ARCN1: variants seen among roughly 807,000 people sequenced by gnomAD.
ARCN1 encodes coatomer subunit delta.
In ARCN1, 5 loss-of-function variants were observed where a neutral mutation model predicts 60.4. The ratio of observed to expected loss-of-function variants is 0.08; its 90% confidence interval spans 0.04 to 0.17. ARCN1 has a LOEUF of 0.17. ARCN1 is among the 10% of genes least tolerant of loss of function. The pLI, the probability that ARCN1 is intolerant of heterozygous loss-of-function variation, is 1.00. For synonymous variants in ARCN1, 224 were observed against 220.0 expected (o/e 1.02, Z -0.16); for missense variants, 464 against 626.5 (o/e 0.74, Z 2.77).
chr11:118,594,039 T>C (rs1938972288), intron 8 of ARCN1: 1 of 180,332 alleles, frequency 5.5e-6, no homozygotes, highest in African/African-American at 2.4e-5. Flanking sequence ...CAGAGAAGAT[T>C]AGCATGGGCC....
At chr11:118,584,160 G>T (rs1938724777) in intron 4 of ARCN1, 146 bp downstream of exon 4, 1 of 833,938 alleles carries the variant, frequency 1.2e-6, no homozygotes, top group Non-Finnish European at 1.9e-6. Context: ...CATACAATAT[G>T]AGGATAAAGA....
chr11:118,581,557 T>C, intron 2 of ARCN1, 48 bp downstream of exon 2: 3 of 1,552,416 alleles, frequency 1.9e-6, no homozygotes, highest in Non-Finnish European at 8.7e-7. Flanking sequence ...TTTTACATTT[T>C]ATGTGAAACT....
chr11:118,587,100 C>G lies in ARCN1; in HGVS notation c.818+2456C>G, dbSNP rs79577355. Among the ~76,000 whole-genome samples, 1,396 of 152,210 alleles carry G rather than the reference C, an allele frequency of 9.2e-3. 20 individuals carry two copies. The highest frequency in any genetic ancestry group is 0.032 in the African/African-American group (1,324 of 41,522). On this transcript the variant is annotated intron_variant, in intron 5 of 9. Transcript: ENST00000264028. Reference sequence around the variant, plus strand: ...GATAACAAAATATTTTTTGTAGCCTCTGTAGTTCATCCAGCCAAACGTATG... The same window carrying G: ...GATAACAAAATATTTTTTGTAGCCTGTGTAGTTCATCCAGCCAAACGTATG...
At chr11:118,581,533 G>T in intron 2 of ARCN1, 24 bp downstream of exon 2, 1 of 1,570,206 alleles carries the variant, frequency 6.4e-7, no homozygotes, top group Non-Finnish European at 8.6e-7. Context: ...TATAATACTG[G>T]GTTCCACTTT....
Position 118,601,509 on chromosome 11 carries a change from C to T in ARCN1, c.*795C>T, listed in dbSNP as rs1055004427. Reference sequence around the variant, plus strand: ...TTCTTTCTATACATTCAGTCAGGCACTGGGATCATCTGTTTACAGGCATTA... The same window carrying T: ...TTCTTTCTATACATTCAGTCAGGCATTGGGATCATCTGTTTACAGGCATTA... On this transcript the variant is annotated 3_prime_UTR_variant, in exon 10 of 10. Transcript: ENST00000264028. 2 of 633,858 alleles carry T rather than the reference C, an allele frequency of 3.2e-6. No individual in the cohort carries two copies. Among genetic ancestry groups the T allele is most frequent in the Non-Finnish European group, 5.7e-6 (2 of 353,518 alleles). The allele number at this position is 633,858 out of a possible 1,614,324, so 39.3% of individuals were successfully genotyped here.
At chr11:118,591,675 G>A (rs1413390764) in intron 6 of ARCN1, among the ~76,000 whole-genome samples, 2 of 151,808 alleles carry the variant, frequency 1.3e-5, no homozygotes, top group Non-Finnish European at 2.9e-5. Flanking sequence ...GTAGTCATGA[G>A]CCACCATGCC....
intron 1 of ARCN1, among the ~76,000 whole-genome samples, chr11:118,575,062 T>C (rs980472448): frequency 7.9e-5 from 12 of 152,210 alleles, no homozygotes; most frequent in African/African-American, 2.9e-4. Flanking sequence ...CACTGCAACT[T>C]CTGCCTCCCG....
intron 6 of ARCN1, among the ~76,000 whole-genome samples, chr11:118,592,184 C>T (rs1938927349): frequency 6.6e-6 from 1 of 152,182 alleles, no homozygotes; most frequent in African/African-American, 2.4e-5. Context: ...ACCTCAGCCT[C>T]CCCAAAAGCA....
intron 1 of ARCN1, among the ~76,000 whole-genome samples, chr11:118,575,970 AGTT>A (rs1278486198): frequency 2.1e-5 from 3 of 141,708 alleles, no homozygotes; most frequent in Non-Finnish European, 4.5e-5. Context: ...CTGTCACTGT[AGTT>A]GTTTTTTTTT....
chr11:118,589,412 G>A (rs1231329364), intron 5 of ARCN1, among the ~76,000 whole-genome samples: 1 of 151,586 alleles, frequency 6.6e-6, no homozygotes, highest in Admixed American at 6.6e-5. Flanking sequence ...ATTCATTCGG[G>A]TGGATATGCC....
intron 1 of ARCN1, among the ~76,000 whole-genome samples, chr11:118,575,411 G>GTGTGTGTGTGT (rs1938469905): frequency 1.1e-4 from 17 of 149,084 alleles, no homozygotes; most frequent in African/African-American, 3.7e-4. Flanking sequence ...ACTGATAACG[G>GTGTGTGTGTGT]GTGTGTGTGT....
In ARCN1 at chr11:118,601,317, C is replaced by G; in HGVS notation, c.*603C>G. On this transcript the variant is annotated 3_prime_UTR_variant, in exon 10 of 10. Transcript: ENST00000264028. ...GCTCAGGCAATCCGCCCACCTCAGC[C>G]TCCCAAAGTGTTGGGATTACAGGCA... is the stretch of plus-strand genomic sequence containing the variant. 4.8e-6 allele frequency: 2 copies of G among 419,876 alleles called. No individual in the cohort carries two copies. Among genetic ancestry groups the G allele is most frequent in the Non-Finnish European group, 9.1e-6 (2 of 220,246 alleles). The allele number at this position is 419,876 out of a possible 1,614,324, so 26.0% of individuals were successfully genotyped here. A position where few individuals can be genotyped will look rare whatever the true frequency, so the allele number is the denominator to read the frequency against.
chr11:118,575,320 A>G (rs1488169833), intron 1 of ARCN1, among the ~76,000 whole-genome samples: 3 of 152,150 alleles, frequency 2.0e-5, no homozygotes, highest in Non-Finnish European at 4.4e-5. Flanking sequence ...TTTGAGGGAC[A>G]GCAAAGAAAG....
chr11:118,597,919 A>C lies in ARCN1; in HGVS notation c.1446+8A>C, dbSNP rs782680656. 5.0e-6 allele frequency: 8 copies of C among 1,613,920 alleles called. No individual in the cohort carries two copies. The highest frequency in any genetic ancestry group is 1.7e-6 in the Non-Finnish European group (2 of 1,179,914). ...AATTACTGTAACATACAGGTACTCC[A>C]TTTTAGTTGAGAACATATATAGGGA... On this transcript the variant is annotated splice_region_variant and intron_variant, in intron 9 of 9. Transcript: ENST00000264028.
At position 118,579,601 on chromosome 11, in the gene ARCN1, T is replaced by C. The variant is rs190757784; in HGVS notation, c.4-1645T>C. ...TACTCGGGAGGCTGAGACAGGAGAA[T>C]CACTTGAACCTGGGAGGTGGAGGTT... On this transcript the variant is annotated intron_variant, in intron 1 of 9. Transcript: ENST00000264028. Among the ~76,000 whole-genome samples, 667 of 150,982 alleles carry C rather than the reference T, an allele frequency of 4.4e-3. 12 individuals carry two copies. The highest frequency in any genetic ancestry group is 0.035 in the East Asian group (179 of 5,134).
At chr11:118,573,697 A>G (rs1239830073) in intron 1 of ARCN1, 4 of 702,024 alleles carry the variant, frequency 5.7e-6, no homozygotes, top group African/African-American at 1.7e-5. Context: ...AATAAGTTCT[A>G]TTGACAACCC....
At chr11:118,581,685 G>A (rs1327422474) in intron 2 of ARCN1, among the ~76,000 whole-genome samples, 176 bp downstream of exon 2, 1 of 152,124 alleles carries the variant, frequency 6.6e-6, no homozygotes, top group Non-Finnish European at 1.5e-5. Flanking sequence ...TGTCCTCTTA[G>A]ACTATAGATG....
intron 5 of ARCN1, among the ~76,000 whole-genome samples, 183 bp from the exon 6 acceptor site, chr11:118,590,158 G>T (rs1938867708): frequency 6.6e-6 from 1 of 152,084 alleles, no homozygotes; most frequent in South Asian, 2.1e-4. Flanking sequence ...ACCACGCCTG[G>T]CTAATTTTGT....
In ARCN1 at chr11:118,600,392, C is replaced by T. The variant is rs80280828; in HGVS notation, c.1447-233C>T. On this transcript the variant is annotated intron_variant, in intron 9 of 9. Transcript: ENST00000264028. ...GGAGCTTTTACTTAATACTACGGAA[C>T]ATCTCGTCCCAACAGTTGTCTTTTC... Among the ~76,000 whole-genome samples, 1,183 of 152,324 alleles carry T rather than the reference C, an allele frequency of 7.8e-3. 15 individuals carry two copies. The highest frequency in any genetic ancestry group is 0.027 in the African/African-American group (1,116 of 41,564).
Sources: allele counts gnomAD v4.1 joint callset (sites outside exome capture counted in the v4.1 genomes callset), GRCh38; gene constraint gnomAD v4.1.1; transcripts MANE v1.5; gene names NCBI Gene and HGNC (gene_info 2026-07-23, HGNC 2026-07-21).